CDH8: variants seen among roughly 807,000 people sequenced by gnomAD.
The protein encoded by CDH8 is cadherin 8, also known as cadherin-8.
A neutral mutation model predicts 68.1 loss-of-function variants in CDH8; 17 were observed. That is an observed-to-expected ratio of 0.25 (90% CI 0.17 to 0.37). The LOEUF (loss-of-function observed/expected upper bound fraction) is 0.37. Ranked by LOEUF, CDH8 falls within the 10% of genes least tolerant of loss-of-function variation. The pLI is 1.00. For missense variants in CDH8, 763 were observed against 999.3 expected (o/e 0.76, Z 3.19); for synonymous variants, 372 against 365.1 (o/e 1.02, Z -0.21).
At chr16:61,802,026 C>A (rs1961655447) in intron 7 of CDH8, among the ~76,000 whole-genome samples, 1 of 142,466 alleles carries the variant, frequency 7.0e-6, no homozygotes, top group African/African-American at 2.7e-5. Context: ...CACAGACAAA[C>A]AAAGAGACAG....
At chr16:62,034,192 A>AACAC (rs71134383) in intron 1 of CDH8, among the ~76,000 whole-genome samples, 3,293 of 147,276 alleles carry the variant, frequency 0.022, 56 homozygotes, top group African/African-American at 0.036. Context: ...CTCTCTCTCA[A>AACAC]ACACACACAC....
chr16:62,022,542 ACT>A (rs900798428), intron 1 of CDH8, among the ~76,000 whole-genome samples: 15 of 152,124 alleles, frequency 9.9e-5, no homozygotes, highest in Admixed American at 7.9e-4. Context: ...GTGTTTCTTT[ACT>A]CTCAAAAAAA....
At chr16:61,699,355 T>C (rs1280181031) in intron 10 of CDH8, among the ~76,000 whole-genome samples, 2 of 152,200 alleles carry the variant, frequency 1.3e-5, no homozygotes, top group Non-Finnish European at 2.9e-5. Flanking sequence ...CATTTGAAAT[T>C]GTGCTTTTAA....
chr16:61,670,054 A>G (rs1963759531), intron 10 of CDH8, among the ~76,000 whole-genome samples: 1 of 152,038 alleles, frequency 6.6e-6, no homozygotes, highest in Non-Finnish European at 1.5e-5. Flanking sequence ...AACTAATGAT[A>G]TTGATTGCCT....
chr16:61,760,426 C>T (rs1460470800), intron 8 of CDH8, among the ~76,000 whole-genome samples: 1 of 151,870 alleles, frequency 6.6e-6, no homozygotes, highest in African/African-American at 2.4e-5. Context: ...ATTCTCCTGC[C>T]TCAGCCTCCC....
intron 2 of CDH8, among the ~76,000 whole-genome samples, chr16:62,020,054 C>T (rs1182372585): frequency 6.6e-6 from 1 of 152,102 alleles, no homozygotes; most frequent in African/African-American, 2.4e-5. Context: ...CAAGTAGAAC[C>T]ATATGAAATG....
chr16:61,734,552 A>G (rs1959622628), intron 8 of CDH8, among the ~76,000 whole-genome samples: 1 of 151,880 alleles, frequency 6.6e-6, no homozygotes, highest in Admixed American at 6.6e-5. Context: ...GTTTTCTTAG[A>G]CCATCCTTCT....
Position 61,857,207 on chromosome 16 carries a change from G to A in CDH8, c.579C>T (p.Asp193=), listed in dbSNP as rs776474523. 103 of 1,612,506 alleles carry A rather than the reference G, an allele frequency of 6.4e-5. No homozygotes were observed. The highest frequency in any genetic ancestry group is 3.2e-4 in the Admixed American group (19 of 59,958). The change falls in exon 4 of 12, where the codon GAC becomes GAT. Residue 193 remains aspartate, a synonymous_variant. Coordinates refer to ENST00000577390, the MANE Select transcript of CDH8 (RefSeq NM_001796.5). The stretch of plus-strand genomic sequence containing the variant: ...TGTTTCCATAAACTGGGTCATCAGC[G>A]TCGGTCGCAGTGACGTTAGTGACAG... ...GTSVTNVTAT[D]ADDPVYGNSA...
intron 3 of CDH8, among the ~76,000 whole-genome samples, chr16:61,890,879 G>A (rs1051462464): frequency 1.3e-5 from 2 of 152,042 alleles, no homozygotes. Flanking sequence ...TGTAAAAGAA[G>A]AGTGCACTGG....
chr16:61,647,475 G>T lies in CDH8; in HGVS notation c.*6133C>A, dbSNP rs1034333492. On this transcript the variant is annotated 3_prime_UTR_variant, in exon 12 of 12. Coordinates refer to ENST00000577390, the MANE Select transcript of CDH8 (RefSeq NM_001796.5). ...CAGAGTAACGTTGGAAAGGTGGGGG[G>T]GGTGATCCCAGTGACTCCTAAATTG... 227 of 240,896 alleles carry T rather than the reference G, an allele frequency of 9.4e-4. No individual in the cohort carries two copies. The East Asian group carries it at 0.015, about 16-fold the overall frequency. The allele number at this position is 240,896 out of a possible 1,614,324, so 14.9% of individuals were successfully genotyped here. A position where few individuals can be genotyped will look rare whatever the true frequency, so the allele number is the denominator to read the frequency against.
chr16:61,967,379 G>A (rs773640812), intron 2 of CDH8, among the ~76,000 whole-genome samples: 18 of 152,108 alleles, frequency 1.2e-4, no homozygotes, highest in Non-Finnish European at 1.5e-4. Context: ...TGTTAATGCC[G>A]ATAATTAGTA....
chr16:61,937,685 A>C (rs578234467), intron 2 of CDH8, among the ~76,000 whole-genome samples: 2 of 152,306 alleles, frequency 1.3e-5, no homozygotes, highest in South Asian at 4.1e-4. Flanking sequence ...AGCTAGTATC[A>C]CATATCTATA....
At position 61,852,897 on chromosome 16, in the gene CDH8, TCTTCCTTC is replaced by T. The variant is rs61658186; in HGVS notation, c.667+4214_667+4221del. Reference sequence around the variant, plus strand: ...TCCTTCCTTCCTTCCTTCCTTCCATTCTTCCTTCCTTCCTTCCTTCCTTCCCTCTTTCC... The same window carrying T: ...TCCTTCCTTCCTTCCTTCCTTCCATTCTTCCTTCCTTCCTTCCCTCTTTCC... On this transcript the variant is annotated intron_variant, in intron 4 of 11. Coordinates refer to ENST00000577390, the MANE Select transcript of CDH8 (RefSeq NM_001796.5). 2.6e-3 allele frequency among the ~76,000 whole-genome samples: 310 copies of T among 121,266 alleles called. 9 individuals are homozygous for T. In the East Asian group the frequency reaches 0.056, roughly 22 times the overall value. The allele number at this position is 121,266 out of a possible 152,430, so 79.6% of individuals were successfully genotyped here. A position where few individuals can be genotyped will look rare whatever the true frequency, so the allele number is the denominator to read the frequency against.
chr16:61,684,251 A>G (rs1208014880), intron 10 of CDH8, among the ~76,000 whole-genome samples: 1 of 152,034 alleles, frequency 6.6e-6, no homozygotes, highest in African/African-American at 2.4e-5. Context: ...TAGGTTAAGA[A>G]AGAGAATCAA....
intron 3 of CDH8, among the ~76,000 whole-genome samples, chr16:61,894,933 T>C (rs1023210944): frequency 1.3e-5 from 2 of 152,146 alleles, no homozygotes; most frequent in African/African-American, 4.8e-5. Context: ...GCATTCCTCT[T>C]TTGCATTTGC....
At chr16:62,020,010 T>C (rs1461087631) in intron 2 of CDH8, among the ~76,000 whole-genome samples, 1 of 152,196 alleles carries the variant, frequency 6.6e-6, no homozygotes, top group Non-Finnish European at 1.5e-5. Context: ...CATGTAATGA[T>C]TCATGATATC....
At chr16:61,883,757 A>G (rs1338086211) in intron 3 of CDH8, among the ~76,000 whole-genome samples, 9 of 151,808 alleles carry the variant, frequency 5.9e-5, no homozygotes, top group African/African-American at 1.9e-4. Context: ...TTACAACAAG[A>G]CCTCGAGAGA....
chr16:61,789,266 G>A, intron 8 of CDH8, 80 bp downstream of exon 8: 1 of 1,303,796 alleles, frequency 7.7e-7, no homozygotes, highest in South Asian at 1.4e-5. Context: ...AACAGAAACA[G>A]GGGCTGCTTA....
At chr16:61,844,363 T>C (rs1330444997) in intron 4 of CDH8, among the ~76,000 whole-genome samples, 1 of 151,842 alleles carries the variant, frequency 6.6e-6, no homozygotes, top group Non-Finnish European at 1.5e-5. Context: ...CACACCAACA[T>C]GGCACATGTA....
Sources: gnomAD v4.1 joint callset for allele counts (sites outside exome capture counted in the v4.1 genomes callset) on GRCh38, gnomAD v4.1.1 for gene constraint, MANE v1.5 for transcripts, NCBI Gene and HGNC (gene_info 2026-07-23, HGNC 2026-07-21) for gene names.